Variants in PRMT3 observed in about 807,000 individuals in gnomAD.
The protein encoded by PRMT3 is protein arginine N-methyltransferase 3.
PRMT3 carries 62 observed loss-of-function variants against 71.9 expected under a neutral mutation model. That is an observed-to-expected ratio of 0.86 (90% CI 0.70 to 1.07). The LOEUF (loss-of-function observed/expected upper bound fraction) is 1.07, where lower values mean the gene tolerates loss of function less well. Ranked by LOEUF, PRMT3 falls within the 50% of genes least tolerant of loss-of-function variation. PRMT3 has a pLI of 0.00. For synonymous variants in PRMT3, 213 were observed against 220.4 expected (o/e 0.97, Z 0.30); for missense variants, 663 against 643.0 (o/e 1.03, Z -0.34).
At chr11:20,395,687 T>C (rs964800676) in intron 5 of PRMT3, 116 bp from the exon 6 acceptor site, 4 of 986,388 alleles carry the variant, frequency 4.1e-6, no homozygotes, top group Non-Finnish European at 5.9e-6. Flanking sequence ...GTACTTTCAC[T>C]AATCTTTCTC....
rs543770216 is a variant in PRMT3 at position 20,412,360 on chromosome 11, T to C, written c.893+4328T>C. On this transcript the variant is annotated intron_variant, in intron 9 of 15. Coordinates refer to ENST00000331079, the MANE Select transcript of PRMT3 (RefSeq NM_005788.4). ...TTGCAAAAATATGAATTTTTAAAAATCTGTTCACAAAACTGTTGAACAGCT... is the reference window on the plus strand; with the variant it reads ...TTGCAAAAATATGAATTTTTAAAAACCTGTTCACAAAACTGTTGAACAGCT... 9.2e-5 allele frequency among the ~76,000 whole-genome samples: 14 copies of C among 151,612 alleles called. 1 individual carries two copies. In the South Asian group the frequency reaches 1.5e-3, roughly 16 times the overall value.
intron 13 of PRMT3, among the ~76,000 whole-genome samples, chr11:20,472,136 C>T (rs1054227118): frequency 1.3e-5 from 2 of 152,168 alleles, no homozygotes; most frequent in African/African-American, 4.8e-5. Flanking sequence ...AGGATCATGT[C>T]ATCTGCAAAC....
chr11:20,476,946 G>A lies in PRMT3; in HGVS notation c.1347+12400G>A, dbSNP rs189256965. On this transcript the variant is annotated intron_variant, in intron 13 of 15. Transcript: ENST00000331079. ...TAGACATTGTATAAAAGAATAATACGGACTAGAGTAGGTAATATTTTCCCT... is the reference window on the plus strand; with the variant it reads ...TAGACATTGTATAAAAGAATAATACAGACTAGAGTAGGTAATATTTTCCCT... Among the ~76,000 whole-genome samples the A allele has an allele frequency of 6.6e-5, 10 of 152,174 alleles. No individual in the cohort carries two copies. The East Asian group carries it at 9.7e-4, about 15-fold the overall frequency.
intron 9 of PRMT3, among the ~76,000 whole-genome samples, chr11:20,409,852 T>C (rs1849157288): frequency 6.6e-6 from 1 of 152,114 alleles, no homozygotes; most frequent in South Asian, 2.1e-4. Context: ...CAAACAAATA[T>C]GAGAACCACT....
chr11:20,456,883 T>G (rs985259668), intron 11 of PRMT3, among the ~76,000 whole-genome samples: 1 of 152,186 alleles, frequency 6.6e-6, no homozygotes, highest in African/African-American at 2.4e-5. Flanking sequence ...TCTTTTTTAT[T>G]TTTATTTTTT....
intron 12 of PRMT3, among the ~76,000 whole-genome samples, chr11:20,462,905 G>A (rs1240472492): frequency 1.3e-5 from 2 of 149,150 alleles, no homozygotes; most frequent in African/African-American, 2.4e-5. Flanking sequence ...TCACTCTGTC[G>A]CCCAGGCTGG....
chr11:20,387,892 A>C lies in PRMT3; in HGVS notation c.28+118A>C. ...GCAGGGTGGGGGGCTCGCAGGGATCATGAAGGAGGTGCTGAGTGAGGGCCG... is the reference window on the plus strand; with the variant it reads ...GCAGGGTGGGGGGCTCGCAGGGATCCTGAAGGAGGTGCTGAGTGAGGGCCG... On this transcript the variant is annotated intron_variant, in intron 1 of 15. Coordinates refer to ENST00000331079, the MANE Select transcript of PRMT3 (RefSeq NM_005788.4). This position sits in a 1 kb window ranked among gnomAD's most constrained non-coding sequence, Gnocchi z 4.3. 1.3e-6 allele frequency: 2 copies of C among 1,547,350 alleles called. No individual in the cohort carries two copies. Among genetic ancestry groups the C allele is most frequent in the Admixed American group, 1.9e-5 (1 of 52,256 alleles).
At chr11:20,485,253 A>G (rs914257893) in intron 13 of PRMT3, among the ~76,000 whole-genome samples, 4 of 152,212 alleles carry the variant, frequency 2.6e-5, no homozygotes, top group Non-Finnish European at 5.9e-5. Context: ...TCTTTCTAGA[A>G]GATTATTACA....
At chr11:20,502,295 G>A (rs901032704) in intron 15 of PRMT3, among the ~76,000 whole-genome samples, 7 of 152,116 alleles carry the variant, frequency 4.6e-5, no homozygotes, top group Admixed American at 4.6e-4. Context: ...ACTTTAGTTA[G>A]GTCTGAACAA....
chr11:20,465,064 C>T (rs1358314205), intron 13 of PRMT3, among the ~76,000 whole-genome samples: 1 of 152,088 alleles, frequency 6.6e-6, no homozygotes, highest in African/African-American at 2.4e-5. Context: ...GGTTCTACCA[C>T]TTATTTCGTT....
At chr11:20,404,764 C>T (rs1849035487) in intron 8 of PRMT3, among the ~76,000 whole-genome samples, 2 of 152,118 alleles carry the variant, frequency 1.3e-5, no homozygotes, top group Non-Finnish European at 2.9e-5. Context: ...TACTTTTGGG[C>T]AAGTGGTGAA....
At chr11:20,478,951 G>A (rs574398015) in intron 13 of PRMT3, among the ~76,000 whole-genome samples, 13 of 152,254 alleles carry the variant, frequency 8.5e-5, no homozygotes, top group African/African-American at 1.4e-4. Context: ...ATCAGCTAAC[G>A]AAACTAATTA....
intron 10 of PRMT3, among the ~76,000 whole-genome samples, chr11:20,435,610 A>G (rs79020674): frequency 0.031 from 4,733 of 152,272 alleles, 247 homozygotes; most frequent in African/African-American, 0.11. Flanking sequence ...CCCTTCTCCA[A>G]TAAATGTTTT....
intron 13 of PRMT3, among the ~76,000 whole-genome samples, chr11:20,479,853 T>C (rs1399891654): frequency 2.6e-5 from 4 of 152,140 alleles, no homozygotes; most frequent in African/African-American, 7.2e-5. Context: ...CACAGAAATA[T>C]GTTGACATGT....
At chr11:20,419,351 G>T (rs1849376209) in intron 9 of PRMT3, among the ~76,000 whole-genome samples, 1 of 152,160 alleles carries the variant, frequency 6.6e-6, no homozygotes, top group Non-Finnish European at 1.5e-5. Flanking sequence ...CTTTTGAGTT[G>T]TGTCTTGTTC....
At chr11:20,481,567 G>A (rs1297708998) in intron 13 of PRMT3, among the ~76,000 whole-genome samples, 1 of 152,090 alleles carries the variant, frequency 6.6e-6, no homozygotes, top group Non-Finnish European at 1.5e-5. Flanking sequence ...CTGAGGGATA[G>A]TTTATATGTT....
intron 13 of PRMT3, among the ~76,000 whole-genome samples, chr11:20,480,442 T>TGGTTC (rs1850903424): frequency 6.6e-6 from 1 of 152,166 alleles, no homozygotes; most frequent in African/African-American, 2.4e-5. Context: ...TTGATAGGTT[T>TGGTTC]AAGGAGTTGA....
chr11:20,463,295 T>C (rs187430014), intron 12 of PRMT3, among the ~76,000 whole-genome samples: 261 of 152,362 alleles, frequency 1.7e-3, no homozygotes, highest in Non-Finnish European at 2.0e-3. Flanking sequence ...TGATTAAAAG[T>C]GCGTTCAGCT....
At chr11:20,472,887 G>A (rs1044630107) in intron 13 of PRMT3, among the ~76,000 whole-genome samples, 1 of 151,448 alleles carries the variant, frequency 6.6e-6, no homozygotes, top group Non-Finnish European at 1.5e-5. Context: ...GGGTGGGGAG[G>A]TGTTGATAGG....
Sources: gnomAD v4.1 joint callset for allele counts (sites outside exome capture counted in the v4.1 genomes callset) on GRCh38, gnomAD v4.1.1 for gene constraint, Gnocchi (gnomAD v3.1) non-coding constraint, MANE v1.5 for transcripts, NCBI Gene and HGNC (gene_info 2026-07-23, HGNC 2026-07-21) for gene names.